Variants in LRFN5 observed in about 807,000 individuals in gnomAD.
LRFN5 encodes leucine-rich repeat and fibronectin type-III domain-containing protein 5.
LRFN5 carries 24 observed loss-of-function variants against 45.6 expected under a neutral mutation model. The observed-to-expected ratio is 0.53, with a 90% confidence interval of 0.38 to 0.74. The LOEUF (loss-of-function observed/expected upper bound fraction) is 0.74, where lower values mean the gene tolerates loss of function less well. LRFN5 is among the 30% of genes least tolerant of loss of function. The pLI, the probability that LRFN5 is intolerant of heterozygous loss-of-function variation, is 0.00. For missense variants in LRFN5, 776 were observed against 861.5 expected, an observed-to-expected ratio of 0.90 and a Z score of 1.24; for synonymous variants, 340 against 313.8, an observed-to-expected ratio of 1.08 and a Z score of -0.88.
intron 1 of LRFN5, among the ~76,000 whole-genome samples, chr14:41,673,968 G>C (rs1377432299): frequency 6.8e-6 from 1 of 146,180 alleles, no homozygotes; most frequent in Non-Finnish European, 1.5e-5. Flanking sequence ...CCTCCCTCCC[G>C]GACGGGGTGG....
At chr14:41,789,885 T>G (rs1349775763) in intron 2 of LRFN5, among the ~76,000 whole-genome samples, 4 of 143,556 alleles carry the variant, frequency 2.8e-5, no homozygotes, top group African/African-American at 1.0e-4. Context: ...CATAAACAAT[T>G]TGCATCCGAG....
At chr14:41,660,251 C>G (rs1354914740) in intron 1 of LRFN5, among the ~76,000 whole-genome samples, 1 of 152,056 alleles carries the variant, frequency 6.6e-6, no homozygotes, top group African/African-American at 2.4e-5. Flanking sequence ...GTCTTGAACT[C>G]TTGACCTCAG....
chr14:41,829,803 T>A (rs962111), intron 2 of LRFN5, among the ~76,000 whole-genome samples: 112,814 of 151,062 alleles, frequency 0.75, 42,568 homozygotes, highest in African/African-American at 0.85. Context: ...ACTTTTTTTT[T>A]AAATTTCTGC....
intron 1 of LRFN5, among the ~76,000 whole-genome samples, chr14:41,728,906 C>G (rs1012141136): frequency 3.3e-5 from 5 of 152,136 alleles, no homozygotes; most frequent in Non-Finnish European, 7.3e-5. Flanking sequence ...AATGAATTCA[C>G]TAACCAACAA....
At chr14:41,624,416 A>C (rs954581702) in intron 1 of LRFN5, among the ~76,000 whole-genome samples, 1 of 152,136 alleles carries the variant, frequency 6.6e-6, no homozygotes, top group African/African-American at 2.4e-5. Context: ...TGCCTCTTCA[A>C]ATAATTCTTT....
intron 2 of LRFN5, among the ~76,000 whole-genome samples, chr14:41,874,619 A>C (rs1220738191): frequency 6.6e-6 from 1 of 152,198 alleles, no homozygotes; most frequent in Non-Finnish European, 1.5e-5. Flanking sequence ...GAATTTGGCT[A>C]TCCTTGTTTT....
At chr14:41,692,606 C>T (rs529798378) in intron 1 of LRFN5, among the ~76,000 whole-genome samples, 19 of 152,178 alleles carry the variant, frequency 1.2e-4, no homozygotes, top group African/African-American at 4.3e-4. Context: ...TGATGTTCCC[C>T]TTCCTGTGTC....
At chr14:41,856,725 G>A (rs1328903971) in intron 2 of LRFN5, among the ~76,000 whole-genome samples, 4 of 96,888 alleles carry the variant, frequency 4.1e-5, no homozygotes, top group Admixed American at 1.5e-4. Flanking sequence ...CGCCCAGGCA[G>A]GAGTGCTGTG....
chr14:41,848,413 C>A (rs1182134424), intron 2 of LRFN5, among the ~76,000 whole-genome samples: 2 of 151,902 alleles, frequency 1.3e-5, no homozygotes, highest in Non-Finnish European at 2.9e-5. Context: ...GTCAGCAGTA[C>A]ATTTTGAACC....
intron 2 of LRFN5, among the ~76,000 whole-genome samples, chr14:41,808,404 GAAGA>G (rs59798240): frequency 0.65 from 65,574 of 101,186 alleles, 22,558 homozygotes; most frequent in East Asian, 0.85. Context: ...AGGAAGAAAG[GAAGA>G]AAGGAAGGAA....
At chr14:41,785,363 T>G (rs994258590) in intron 2 of LRFN5, among the ~76,000 whole-genome samples, 1 of 152,154 alleles carries the variant, frequency 6.6e-6, no homozygotes, top group Non-Finnish European at 1.5e-5. Context: ...TTGCCTTCTT[T>G]GAAAATAATT....
chr14:41,822,656 G>C (rs544760662), intron 2 of LRFN5, among the ~76,000 whole-genome samples: 1 of 152,016 alleles, frequency 6.6e-6, no homozygotes, highest in South Asian at 2.1e-4. Flanking sequence ...TGTCTGTTAG[G>C]TTCATTTGGT....
At chr14:41,653,086 G>A (rs1880206965) in intron 1 of LRFN5, among the ~76,000 whole-genome samples, 2 of 152,074 alleles carry the variant, frequency 1.3e-5, no homozygotes, top group Admixed American at 1.3e-4. Context: ...GGCATACTTT[G>A]CAAAAATTTT....
intron 1 of LRFN5, among the ~76,000 whole-genome samples, chr14:41,652,705 G>T (rs1432295319): frequency 6.6e-6 from 1 of 152,086 alleles, no homozygotes; most frequent in East Asian, 1.9e-4. Context: ...AAAATGCAAT[G>T]TTCCTGTCTT....
chr14:41,780,203 C>A (rs1410715692), intron 2 of LRFN5, among the ~76,000 whole-genome samples: 1 of 151,784 alleles, frequency 6.6e-6, no homozygotes. Flanking sequence ...AGGTATATTT[C>A]TTATTATCCA....
chr14:41,755,636 C>T (rs545875350), intron 1 of LRFN5, among the ~76,000 whole-genome samples: 15 of 152,210 alleles, frequency 9.9e-5, no homozygotes, highest in Non-Finnish European at 1.9e-4. Flanking sequence ...TCCTCCATCC[C>T]TTTATTTTGA....
chr14:41,855,223 A>G (rs1889412132), intron 2 of LRFN5, among the ~76,000 whole-genome samples: 2 of 152,200 alleles, frequency 1.3e-5, no homozygotes, highest in South Asian at 2.1e-4. Flanking sequence ...GAATAAAGTT[A>G]TAATAGTGGG....
intron 1 of LRFN5, among the ~76,000 whole-genome samples, chr14:41,714,480 T>A (rs1469381802): frequency 1.3e-5 from 2 of 152,348 alleles, no homozygotes; most frequent in East Asian, 3.9e-4. Context: ...AAAATTGGAT[T>A]AATTTTTTCC....
chr14:41,630,241 A>G (rs1888487106), intron 1 of LRFN5, among the ~76,000 whole-genome samples: 1 of 152,166 alleles, frequency 6.6e-6, no homozygotes, highest in South Asian at 2.1e-4. Context: ...GGAAGGACCT[A>G]TATACATCTT....
Sources: gnomAD v4.1 joint callset for allele counts (sites outside exome capture counted in the v4.1 genomes callset) on GRCh38, gnomAD v4.1.1 for gene constraint, MANE v1.5 for transcripts, NCBI Gene and HGNC (gene_info 2026-07-23, HGNC 2026-07-21) for gene names.